The following CCDC91 variants were observed in gnomAD, a reference collection of about 807,000 sequenced individuals.
The protein encoded by CCDC91 is coiled-coil domain-containing protein 91.
In CCDC91, 48 loss-of-function variants were observed where a neutral mutation model predicts 63.2. The observed-to-expected ratio is 0.76, with a 90% CI of 0.60 to 0.97. The LOEUF is 0.97. Ranked by LOEUF, CCDC91 falls within the 50% of genes least tolerant of loss-of-function variation. CCDC91 has a pLI of 0.00. For synonymous variants in CCDC91, 167 were observed against 165.8 expected (o/e 1.01, Z -0.06); for missense variants, 500 against 494.6 (o/e 1.01, Z -0.10).
At chr12:28,283,537 A>T (rs1948732467) in intron 3 of CCDC91, among the ~76,000 whole-genome samples, 1 of 151,504 alleles carries the variant, frequency 6.6e-6, no homozygotes, top group Admixed American at 6.6e-5. Flanking sequence ...GCAGTGGCAC[A>T]TTTTTTTTGT....
intron 3 of CCDC91, chr12:28,268,721 G>A (rs775145475): frequency 8.8e-5 from 82 of 927,648 alleles, no homozygotes; most frequent in Middle Eastern, 1.1e-3. Context: ...TTACTCAGTA[G>A]GGATGGCATG....
intron 1 of CCDC91, among the ~76,000 whole-genome samples, chr12:28,225,293 T>G (rs1242527934): frequency 6.6e-6 from 1 of 152,202 alleles, no homozygotes; most frequent in Non-Finnish European, 1.5e-5. Context: ...CATTTGGTTA[T>G]TTTAGGAAGG....
chr12:28,261,291 G>C (rs1409393594), intron 3 of CCDC91, among the ~76,000 whole-genome samples: 1 of 151,980 alleles, frequency 6.6e-6, no homozygotes, highest in African/African-American at 2.4e-5. Flanking sequence ...CTTGGTTTAG[G>C]AGTTTTCCCA....
intron 11 of CCDC91, among the ~76,000 whole-genome samples, chr12:28,467,054 T>C (rs1203023522): frequency 6.6e-6 from 1 of 152,002 alleles, no homozygotes; most frequent in Non-Finnish European, 1.5e-5. Context: ...GGTACTAAGA[T>C]AGCAAGAAGA....
intron 1 of CCDC91, among the ~76,000 whole-genome samples, chr12:28,231,676 C>T (rs1223983896): frequency 6.7e-6 from 1 of 150,194 alleles, no homozygotes; most frequent in Non-Finnish European, 1.5e-5. Context: ...CTCCTTTCTT[C>T]TATTAATAAT....
At chr12:28,435,852 G>A (rs953984123) in intron 8 of CCDC91, among the ~76,000 whole-genome samples, 1 of 151,784 alleles carries the variant, frequency 6.6e-6, no homozygotes, top group Non-Finnish European at 1.5e-5. Flanking sequence ...TTATCATTAT[G>A]TAATGTTCCT....
chr12:28,274,080 C>T (rs1242444854), intron 3 of CCDC91, among the ~76,000 whole-genome samples: 1 of 152,116 alleles, frequency 6.6e-6, no homozygotes, highest in Non-Finnish European at 1.5e-5. Context: ...TTTCCCGGCA[C>T]CATTTATTAA....
At chr12:28,371,074 T>A (rs1944588908) in intron 7 of CCDC91, among the ~76,000 whole-genome samples, 1 of 146,504 alleles carries the variant, frequency 6.8e-6, no homozygotes, top group African/African-American at 2.7e-5. Flanking sequence ...CTAGTAAGAT[T>A]TTTTTTTTGG....
intron 1 of CCDC91, among the ~76,000 whole-genome samples, chr12:28,234,772 T>A (rs989672283): frequency 6.6e-6 from 1 of 151,950 alleles, no homozygotes; most frequent in Non-Finnish European, 1.5e-5. Flanking sequence ...TTTTTTTTTT[T>A]AAAGTTTCAG....
intron 3 of CCDC91, among the ~76,000 whole-genome samples, chr12:28,274,015 G>A (rs1176476532): frequency 6.6e-6 from 1 of 152,116 alleles, no homozygotes; most frequent in Admixed American, 6.6e-5. Flanking sequence ...ATTAATTTTT[G>A]TATAAGGTGT....
intron 1 of CCDC91, among the ~76,000 whole-genome samples, chr12:28,252,497 T>G (rs1337844609): frequency 6.6e-6 from 1 of 152,016 alleles, no homozygotes; most frequent in East Asian, 1.9e-4. Context: ...GAAAATTTCC[T>G]TAATTTTATT....
At chr12:28,489,773 G>A (rs1951903189) in intron 12 of CCDC91, among the ~76,000 whole-genome samples, 1 of 151,738 alleles carries the variant, frequency 6.6e-6, no homozygotes, top group African/African-American at 2.4e-5. Context: ...TTTTAATCCA[G>A]TTTTGCTGCA....
At chr12:28,536,592 G>A (rs1171727522) in intron 12 of CCDC91, among the ~76,000 whole-genome samples, 2 of 152,108 alleles carry the variant, frequency 1.3e-5, no homozygotes, top group Non-Finnish European at 2.9e-5. Flanking sequence ...GGGCCAGTTT[G>A]TTCTTCTGTA....
At position 28,544,617 on chromosome 12, in the gene CCDC91, CACACAT is replaced by C. The variant is rs1220382795; in HGVS notation, c.1216-4434_1216-4429del. 6.6e-5 allele frequency among the ~76,000 whole-genome samples: 10 copies of C among 152,112 alleles called. No homozygotes were observed. The East Asian group carries it at 1.7e-3, about 27-fold the overall frequency. On this transcript the variant is annotated intron_variant, in intron 12 of 12. Coordinates refer to ENST00000536442, the MANE Select transcript of CCDC91 (RefSeq NM_018318.5). ...GTACTATGTGTATTTGACACACACA[CACACAT>C]ACACATACACACATATATATATTTC...
chr12:28,507,739 C>A (rs1164199464), intron 12 of CCDC91, among the ~76,000 whole-genome samples: 1 of 151,936 alleles, frequency 6.6e-6, no homozygotes, highest in African/African-American at 2.4e-5. Flanking sequence ...TACAGTCTTA[C>A]CAGTTTGCCT....
intron 8 of CCDC91, among the ~76,000 whole-genome samples, chr12:28,448,718 T>A (rs1949656435): frequency 6.6e-6 from 1 of 152,104 alleles, no homozygotes; most frequent in Non-Finnish European, 1.5e-5. Context: ...TATTCTGTAT[T>A]TTAATTCTAA....
At chr12:28,423,604 C>T (rs192436078) in intron 8 of CCDC91, among the ~76,000 whole-genome samples, 29 of 152,022 alleles carry the variant, frequency 1.9e-4, no homozygotes, top group Non-Finnish European at 2.2e-4. Flanking sequence ...TATTTTAAAA[C>T]GCTGGAATAG....
chr12:28,300,405 T>A (rs563801604), intron 3 of CCDC91, among the ~76,000 whole-genome samples: 1 of 151,556 alleles, frequency 6.6e-6, no homozygotes, highest in Non-Finnish European at 1.5e-5. Flanking sequence ...ATTTTTGGAC[T>A]TTCTGATGTG....
At chr12:28,331,023 T>C (rs1026528026) in intron 6 of CCDC91, among the ~76,000 whole-genome samples, 3 of 152,194 alleles carry the variant, frequency 2.0e-5, no homozygotes, top group Non-Finnish European at 2.9e-5. Flanking sequence ...CAAAGAAAGG[T>C]TATGCTTCCA....
Sources: gnomAD v4.1 joint callset for allele counts (sites outside exome capture counted in the v4.1 genomes callset) on GRCh38, gnomAD v4.1.1 for gene constraint, MANE v1.5 for transcripts, NCBI Gene and HGNC (gene_info 2026-07-23, HGNC 2026-07-21) for gene names.